Variants in BUB1 observed in about 807,000 individuals in gnomAD.
The protein encoded by BUB1 is mitotic checkpoint serine/threonine-protein kinase BUB1.
In BUB1, 84 loss-of-function variants were observed where a neutral mutation model predicts 135.2. That is an observed-to-expected ratio of 0.62 (90% CI 0.52 to 0.74). The LOEUF is 0.74. BUB1 is among the 30% of genes least tolerant of loss of function. The pLI is 0.00. For missense variants in BUB1, 1,162 were observed against 1,288.3 expected, an observed-to-expected ratio of 0.90 and a Z score of 1.50; for synonymous variants, 403 against 434.4, an observed-to-expected ratio of 0.93 and a Z score of 0.90.
intron 1 of BUB1, 140 bp from the exon 2 acceptor site, chr2:110,674,505 T>C (rs1690519576): frequency 4.3e-6 from 3 of 696,316 alleles, no homozygotes; most frequent in Middle Eastern, 3.8e-4. Context: ...ACACCATTTA[T>C]ATGCATTAAA....
Position 110,639,768 on chromosome 2 carries a change from C to G in BUB1, c.3036G>C (p.Glu1012Asp). The part of the protein sequence containing the change: ...TYMKVKNEGG[E>D]CKPEGLFRRL... ...TTCTAAAAAGACCTTCAGGCTTACACTCTCCTCCTTCATTTTTCACTTTCA... is the reference window on the plus strand; with the variant it reads ...TTCTAAAAAGACCTTCAGGCTTACAGTCTCCTCCTTCATTTTTCACTTTCA... Residue 1012 changes from glutamate (E) to aspartate (D), a missense_variant, in exon 24 of 25, where the codon GAG becomes GAC. Glu to Asp is a conservative substitution (Grantham distance 45, BLOSUM62 2). Transcript: ENST00000302759. 6.2e-7 allele frequency: 1 copy of G among 1,613,834 alleles called. No individual in the cohort carries two copies. Among genetic ancestry groups the G allele is most frequent in the Non-Finnish European group, 8.5e-7 (1 of 1,179,802 alleles).
intron 20 of BUB1, 109 bp downstream of exon 20, chr2:110,642,010 T>C (rs1049016929): frequency 2.0e-6 from 2 of 998,704 alleles, no homozygotes; most frequent in African/African-American, 1.6e-5. Flanking sequence ...AATTGCCAAC[T>C]GTAGATATAA....
In BUB1 at chr2:110,650,583, C is replaced by T. The variant is rs1689758100; in HGVS notation, c.2166G>A (p.Trp722Ter). The T allele has an allele frequency of 6.2e-7, 1 of 1,613,806 alleles. No homozygotes were observed. The highest frequency in any genetic ancestry group is 8.5e-7 in the Non-Finnish European group (1 of 1,179,936). Reference sequence around the variant, plus strand: ...CAGTCCCAAGTGAACTCATCTGCATCCATTCTGCTTGGAGCCCAGCAATAG... The same window carrying T: ...CAGTCCCAAGTGAACTCATCTGCATTCATTCTGCTTGGAGCCCAGCAATAG... ...PDAIAGLQAEWMQMSSLGTVD... is the reference protein window; with the variant it reads ...PDAIAGLQAE The change falls in exon 18 of 25, where the codon TGG (tryptophan) becomes TGA (stop). Residue 722 changes from tryptophan to a stop codon, truncating the protein, a stop_gained. Transcript: ENST00000302759. LOFTEE classifies it high-confidence loss of function.
intron 17 of BUB1, among the ~76,000 whole-genome samples, chr2:110,652,308 A>G (rs1559167403): frequency 6.6e-6 from 1 of 152,088 alleles, no homozygotes; most frequent in Non-Finnish European, 1.5e-5. Context: ...ACTGCAAACA[A>G]GTATCCTTTT....
chr2:110,644,058 C>CAAAAAAAAAAAAAAAAAAAAAAAAAA (rs58393999), intron 19 of BUB1, among the ~76,000 whole-genome samples: 4 of 39,688 alleles, frequency 1.0e-4, no homozygotes, highest in Non-Finnish European at 1.3e-4. Context: ...AACTGAAATG[C>CAAAAAAAAAAAAAAAAAAAAAAAAAA]AAAAAAAAAA....
chr2:110,646,895 G>A (rs1458419159), intron 19 of BUB1, among the ~76,000 whole-genome samples: 3 of 152,010 alleles, frequency 2.0e-5, no homozygotes, highest in Admixed American at 6.6e-5. Flanking sequence ...CATTACAGTA[G>A]AAATCAATAG....
chr2:110,664,013 T>C (rs112681887), intron 9 of BUB1, among the ~76,000 whole-genome samples: 16,108 of 129,424 alleles, frequency 0.12, 1,810 homozygotes, highest in African/African-American at 0.32. Context: ...TGGGAGACAG[T>C]GAGACTCCAT....
In BUB1 at chr2:110,638,151, T is replaced by C; in HGVS notation, c.3071A>G (p.His1024Arg). Residue 1024 changes from histidine to arginine, a missense_variant, in exon 25 of 25, where the codon CAT becomes CGT. His to Arg is a conservative substitution (Grantham distance 29). Transcript: ENST00000302759. Reference sequence around the variant, plus strand: ...AAAAAATTCATTCCACATATCCAAATGAGGAAGCCTGAAAAAGACAAAGCA... The same window carrying C: ...AAAAAATTCATTCCACATATCCAAACGAGGAAGCCTGAAAAAGACAAAGCA... ...KPEGLFRRLPHLDMWNEFFHV... is the reference protein window; with the variant it reads ...KPEGLFRRLPRLDMWNEFFHV... The C allele has an allele frequency of 1.3e-6, 2 of 1,591,944 alleles. No homozygotes were observed. Among genetic ancestry groups the C allele is most frequent in the Non-Finnish European group, 1.7e-6 (2 of 1,170,200 alleles).
Position 110,666,354 on chromosome 2 carries a change from A to T in BUB1, c.866T>A (p.Leu289Ter). ...KEANAFEEQLLKQKMDELHKK... is the reference protein window; with the variant it reads ...KEANAFEEQL ...ATGAAGTTCATCCATTTTCTGTTTTAATAGCTGTTCTTCAAAAGCATTTGC... is the reference window on the plus strand; with the variant it reads ...ATGAAGTTCATCCATTTTCTGTTTTTATAGCTGTTCTTCAAAAGCATTTGC... The change falls in exon 9 of 25, where the codon TTA becomes TAA. Residue 289 changes from leucine (L) to a stop codon, truncating the protein, a stop_gained. Transcript: ENST00000302759. LOFTEE classifies it high-confidence loss of function. 6.5e-7 allele frequency: 1 copy of T among 1,541,666 alleles called. No individual in the cohort carries two copies.
chr2:110,667,629 G>A lies in BUB1; in HGVS notation c.697C>T (p.Gln233Ter). 1 of 1,613,902 alleles carries A rather than the reference G, an allele frequency of 6.2e-7. No homozygotes were observed. Among genetic ancestry groups the A allele is most frequent in the Non-Finnish European group, 8.5e-7 (1 of 1,179,948 alleles). The change falls in exon 8 of 25, where the codon CAG becomes TAG. Residue 233 changes from glutamine to a stop codon, truncating the protein, a stop_gained. Transcript: ENST00000302759. LOFTEE classifies it high-confidence loss of function. Reference sequence around the variant, plus strand: ...TTCTCCTTGCAATACATAACAACCTGCTCAACATCAACTTTGGATGCCAAA... The same window carrying A: ...TTCTCCTTGCAATACATAACAACCTACTCAACATCAACTTTGGATGCCAAA... ...SSLASKVDVE[Q>*]VVMYCKEKLI...
intron 8 of BUB1, among the ~76,000 whole-genome samples, chr2:110,666,702 CA>C (rs1690266020): frequency 6.6e-6 from 1 of 151,196 alleles, no homozygotes; most frequent in South Asian, 2.1e-4. Context: ...TTGTAGCCAT[CA>C]TATACATGAC....
At chr2:110,646,908 G>C (rs1689659846) in intron 19 of BUB1, among the ~76,000 whole-genome samples, 1 of 152,046 alleles carries the variant, frequency 6.6e-6, no homozygotes, top group Non-Finnish European at 1.5e-5. Flanking sequence ...ATCAATAGTG[G>C]AATGCCATAT....
At chr2:110,658,303 T>C (rs2104537799) in intron 13 of BUB1, 107 bp downstream of exon 13, 2 of 834,824 alleles carry the variant, frequency 2.4e-6, no homozygotes, top group Non-Finnish European at 3.7e-6. Context: ...CCTGCCTTTA[T>C]GTGACAAGCT....
At chr2:110,670,155 T>G (rs35529515) in intron 5 of BUB1, among the ~76,000 whole-genome samples, 22 of 140,976 alleles carry the variant, frequency 1.6e-4, no homozygotes, top group African/African-American at 2.5e-4. Context: ...TTTTTTTTTG[T>G]GGAGACGGAG....
chr2:110,656,977 G>A (rs1229416534), intron 15 of BUB1, 59 bp downstream of exon 15: 5 of 1,268,522 alleles, frequency 3.9e-6, no homozygotes, highest in East Asian at 4.7e-5. Flanking sequence ...ATAATCATTT[G>A]GTAGAATAAA....
intron 12 of BUB1, 45 bp from the exon 13 acceptor site, chr2:110,658,565 T>A: frequency 6.2e-7 from 1 of 1,613,848 alleles, no homozygotes; most frequent in Non-Finnish European, 8.5e-7. Context: ...GCAAAAGAGC[T>A]TTCATTAACT....
At position 110,653,866 on chromosome 2, in the gene BUB1, G is replaced by A. The variant is rs765152495; in HGVS notation, c.1877-343C>T. Reference sequence around the variant, plus strand: ...AATAACTTTTTAAAATTAACCAGATGTGGTGGTAGGAGCCTGTAGCCCTAG... The same window carrying A: ...AATAACTTTTTAAAATTAACCAGATATGGTGGTAGGAGCCTGTAGCCCTAG... On this transcript the variant is annotated intron_variant, in intron 16 of 24. Coordinates refer to ENST00000302759, the MANE Select transcript of BUB1 (RefSeq NM_004336.5). Among the ~76,000 whole-genome samples the A allele has an allele frequency of 2.4e-4, 36 of 152,026 alleles. 1 individual carries two copies. Among genetic ancestry groups the A allele is most frequent in the Non-Finnish European group, 3.4e-4 (23 of 67,996 alleles).
chr2:110,678,044 A>G lies in BUB1; in HGVS notation c.-49T>C. On this transcript the variant is annotated 5_prime_UTR_variant, in exon 1 of 25. Coordinates refer to ENST00000302759, the MANE Select transcript of BUB1 (RefSeq NM_004336.5). ...CGGCCAAACCTGAACCGCAAACTAG[A>G]AGCCGCCGCCGATTCGAATACCCCG... 6.4e-7 allele frequency: 1 copy of G among 1,570,404 alleles called. No individual in the cohort carries two copies. The highest frequency in any genetic ancestry group is 1.9e-4 in the Middle Eastern group (1 of 5,180).
rs185756897 is a variant in BUB1, at chr2:110,670,470, T to C, written c.466+55A>G. On this transcript the variant is annotated intron_variant, in intron 5 of 24. Coordinates refer to ENST00000302759, the MANE Select transcript of BUB1 (RefSeq NM_004336.5). ...TTTTTTAAAGAAAAGAAAATACTAG[T>C]ACAAATCCAAGACTAAATGGACAAC... is the stretch of plus-strand genomic sequence containing the variant. The C allele has an allele frequency of 5.0e-6, 8 of 1,592,244 alleles. No homozygotes were observed. In the East Asian group the frequency reaches 1.6e-4, roughly 31 times the overall value.
Sources: allele counts gnomAD v4.1 joint callset (sites outside exome capture counted in the v4.1 genomes callset), GRCh38; gene constraint gnomAD v4.1.1; transcripts MANE v1.5; gene names NCBI Gene and HGNC (gene_info 2026-07-23, HGNC 2026-07-21).